ADAMTS17: variants seen among roughly 807,000 people sequenced by gnomAD.
The protein encoded by ADAMTS17 is ADAM metallopeptidase with thrombospondin type 1 motif 17, also known as A disintegrin and metalloproteinase with thrombospondin motifs 17.
In ADAMTS17, 113 loss-of-function variants were observed where a neutral mutation model predicts 141.5. The ratio of observed to expected loss-of-function variants is 0.80; its 90% CI spans 0.69 to 0.93. ADAMTS17 has a LOEUF of 0.93. ADAMTS17 is among the 40% of genes least tolerant of loss of function. ADAMTS17 has a pLI of 0.00. For missense variants in ADAMTS17, 1,659 were observed against 1,517.9 expected (o/e 1.09, Z -1.54); for synonymous variants, 768 against 630.6 (o/e 1.22, Z -3.27).
In ADAMTS17 at chr15:100,262,450, AAAAG is replaced by A. The variant is rs749895873; in HGVS notation, c.790-19_790-16del. 6.2e-7 allele frequency: 1 copy of A among 1,605,908 alleles called. No homozygotes were observed. Among genetic ancestry groups the A allele is most frequent in the Admixed American group, 1.7e-5 (1 of 59,952 alleles). On this transcript the variant is annotated splice_polypyrimidine_tract_variant and intron_variant, in intron 4 of 21. Transcript: ENST00000268070. ...ATATTGTATACCTATCAAGACAGAA[AAAAG>A]AAATAAAGATATAAAGATAAAAAAT... is the stretch of plus-strand genomic sequence containing the variant.
At chr15:100,310,372 A>G (rs2045364673) in intron 3 of ADAMTS17, among the ~76,000 whole-genome samples, 1 of 152,230 alleles carries the variant, frequency 6.6e-6, no homozygotes, top group South Asian at 2.1e-4. Context: ...GAAACAGTTT[A>G]TCTTCTAGGA....
chr15:100,312,344 C>G (rs1249199833), intron 3 of ADAMTS17, among the ~76,000 whole-genome samples: 2 of 152,112 alleles, frequency 1.3e-5, no homozygotes, highest in African/African-American at 4.8e-5. Flanking sequence ...GGCCATGAGC[C>G]AAGGAATGCA....
At chr15:100,064,171 T>G (rs2033348038) in intron 15 of ADAMTS17, among the ~76,000 whole-genome samples, 1 of 152,054 alleles carries the variant, frequency 6.6e-6, no homozygotes, top group Non-Finnish European at 1.5e-5. Flanking sequence ...CGCGAGAACA[T>G]GAAGGCAGAG....
intron 18 of ADAMTS17, among the ~76,000 whole-genome samples, chr15:100,030,746 G>T (rs569558017): frequency 3.7e-4 from 56 of 152,304 alleles, no homozygotes; most frequent in African/African-American, 1.3e-3. Flanking sequence ...ATATGATCTT[G>T]TTCTGACAAG....
intron 18 of ADAMTS17, among the ~76,000 whole-genome samples, chr15:100,016,574 C>G (rs1220797938): frequency 6.6e-6 from 1 of 152,220 alleles, no homozygotes; most frequent in Admixed American, 6.5e-5. Context: ...ATGGAGTACT[C>G]TGCCCCTTTT....
In ADAMTS17 at chr15:100,138,321, C is replaced by T. The variant is rs183667245; in HGVS notation, c.1474-5006G>A. On this transcript the variant is annotated intron_variant, in intron 10 of 21. Transcript: ENST00000268070. ...TGTGAGTGATGGTCAGCAGCAACAA[C>T]AAACAGAAGATTTAAACTGTCAAGG... is the stretch of plus-strand genomic sequence containing the variant. Among the ~76,000 whole-genome samples, 78 of 152,226 alleles carry T rather than the reference C, an allele frequency of 5.1e-4. 1 individual carries two copies. Among genetic ancestry groups the T allele is most frequent in the African/African-American group, 1.7e-3 (72 of 41,550 alleles).
chr15:100,235,712 G>A (rs1431096670), intron 7 of ADAMTS17, among the ~76,000 whole-genome samples: 3 of 152,136 alleles, frequency 2.0e-5, no homozygotes, highest in Non-Finnish European at 4.4e-5. Context: ...CACCACGGAG[G>A]ACTTCCAGGG....
chr15:100,334,088 G>A (rs149315169), intron 2 of ADAMTS17, among the ~76,000 whole-genome samples: 2,138 of 152,254 alleles, frequency 0.014, 53 homozygotes, highest in African/African-American at 0.048. Context: ...TTTGTTGTGG[G>A]TACTTGCTTT....
intron 14 of ADAMTS17, among the ~76,000 whole-genome samples, chr15:100,107,432 C>A (rs1336242162): frequency 2.0e-5 from 3 of 152,080 alleles, no homozygotes; most frequent in Non-Finnish European, 4.4e-5. Flanking sequence ...GGTGGGCTCC[C>A]CTGTGGAGGA....
chr15:99,990,210 A>AT (rs962716262), intron 20 of ADAMTS17, among the ~76,000 whole-genome samples: 19 of 151,214 alleles, frequency 1.3e-4, no homozygotes, highest in South Asian at 8.4e-4. Flanking sequence ...TATTTTTTTG[A>AT]TTTTTTTTTG....
At chr15:100,331,979 C>A (rs1463156536) in intron 2 of ADAMTS17, among the ~76,000 whole-genome samples, 1 of 151,704 alleles carries the variant, frequency 6.6e-6, no homozygotes, top group Non-Finnish European at 1.5e-5. Flanking sequence ...TGAGATAGAC[C>A]CCAGCTCTAC....
intron 6 of ADAMTS17, among the ~76,000 whole-genome samples, chr15:100,254,975 C>T (rs559062649): frequency 4.4e-4 from 67 of 151,822 alleles, no homozygotes; most frequent in Admixed American, 9.8e-4. Context: ...AATGAACCTG[C>T]ACATCCTGCA....
intron 13 of ADAMTS17, among the ~76,000 whole-genome samples, chr15:100,113,850 C>T (rs8031421): frequency 0.66 from 100,880 of 152,136 alleles, 34,072 homozygotes; most frequent in African/African-American, 0.81. Flanking sequence ...AGGCAGGAGG[C>T]GCTGGGAACG....
chr15:100,206,028 C>T (rs901637670), intron 7 of ADAMTS17, among the ~76,000 whole-genome samples: 3 of 152,184 alleles, frequency 2.0e-5, no homozygotes, highest in Admixed American at 6.5e-5. Flanking sequence ...CAGCTGAGGG[C>T]CCCTCAGTGA....
intron 7 of ADAMTS17, among the ~76,000 whole-genome samples, chr15:100,248,227 T>C (rs535352959): frequency 3.9e-5 from 6 of 151,972 alleles, no homozygotes; most frequent in Admixed American, 6.5e-5. Context: ...TAAAAAATAG[T>C]AGGAGACCAA....
chr15:100,340,360 T>TG (rs2046326935), intron 2 of ADAMTS17, among the ~76,000 whole-genome samples: 1 of 152,178 alleles, frequency 6.6e-6, no homozygotes, highest in Non-Finnish European at 1.5e-5. Flanking sequence ...AGGGAGCTCC[T>TG]GGGGGCAGGA....
chr15:100,051,777 G>T, intron 16 of ADAMTS17, 46 bp from the exon 17 acceptor site: 1 of 1,611,414 alleles, frequency 6.2e-7, no homozygotes. Context: ...AGGAAGGAAG[G>T]CCCGTGGGAA....
intron 3 of ADAMTS17, among the ~76,000 whole-genome samples, chr15:100,311,366 G>A (rs1394955377): frequency 1.3e-5 from 2 of 152,218 alleles, no homozygotes; most frequent in Non-Finnish European, 2.9e-5. Context: ...ATGGCCTTCT[G>A]GGGGCCACCA....
chr15:100,082,528 G>A (rs2034813545), intron 15 of ADAMTS17, among the ~76,000 whole-genome samples: 1 of 151,910 alleles, frequency 6.6e-6, no homozygotes, highest in Non-Finnish European at 1.5e-5. Flanking sequence ...GGGGACTTCA[G>A]GCACACACCA....
Sources: gnomAD v4.1 joint callset for allele counts (sites outside exome capture counted in the v4.1 genomes callset) on GRCh38, gnomAD v4.1.1 for gene constraint, MANE v1.5 for transcripts, NCBI Gene and HGNC (gene_info 2026-07-23, HGNC 2026-07-21) for gene names.